The following DGKD variants were observed in gnomAD, a reference collection of about 807,000 sequenced individuals.
The protein encoded by DGKD is diacylglycerol kinase delta, also known as DAG kinase delta.
DGKD carries 68 observed loss-of-function variants against 154.4 expected under a neutral mutation model. The observed-to-expected ratio is 0.44, with a 90% CI of 0.36 to 0.54. The LOEUF (loss-of-function observed/expected upper bound fraction) is 0.54, where lower values mean the gene tolerates loss of function less well. DGKD is among the 20% of genes least tolerant of loss of function. The probability of loss-of-function intolerance (pLI) is 0.00; values close to 1 mark genes in which losing one functional copy is unlikely to be tolerated. For synonymous variants in DGKD, 693 were observed against 638.0 expected (o/e 1.09, Z -1.30); for missense variants, 1,343 against 1,593.6 (o/e 0.84, Z 2.68).
chr2:233,373,002 C>T (rs57712949), intron 1 of DGKD, among the ~76,000 whole-genome samples: 10,152 of 152,276 alleles, frequency 0.067, 467 homozygotes, highest in African/African-American at 0.13. Context: ...TGTAATGACT[C>T]AGTGAGTTAA....
At chr2:233,390,519 A>G in intron 3 of DGKD, 36 bp downstream of exon 3, 1 of 1,547,766 alleles carries the variant, frequency 6.5e-7, no homozygotes, top group South Asian at 1.1e-5. Flanking sequence ...TTGATTCTTC[A>G]CTGAAGTTGG....
At chr2:233,400,453 C>T (rs553967646) in intron 3 of DGKD, among the ~76,000 whole-genome samples, 16 of 152,220 alleles carry the variant, frequency 1.1e-4, no homozygotes, top group East Asian at 9.6e-4. Flanking sequence ...CTGTCTGAGA[C>T]GCCTCATGCT....
At position 233,462,430 on chromosome 2, in the gene DGKD, C is replaced by G. The variant is rs746944592; in HGVS notation, c.3064C>G (p.Arg1022Gly). 1.9e-6 allele frequency: 3 copies of G among 1,602,056 alleles called. No individual in the cohort carries two copies. The highest frequency in any genetic ancestry group is 2.6e-6 in the Non-Finnish European group (3 of 1,170,638). Residue 1022 changes from arginine (R) to glycine (G), a missense_variant, in exon 25 of 30, where the codon CGT becomes GGT. Transcript: ENST00000264057. Reference protein sequence around the residue: ...AVNASSKSMDRVYGKPRTTEG... With the variant: ...AVNASSKSMDGVYGKPRTTEG... The stretch of plus-strand genomic sequence containing the variant: ...CAATGCCAGCTCCAAGTCCATGGAC[C>G]GTGTGTATGGCAAGCCCAGAACCAC...
intron 28 of DGKD, 52 bp downstream of exon 28, chr2:233,467,255 G>A (rs1314190646): frequency 6.1e-6 from 8 of 1,303,842 alleles, no homozygotes; most frequent in Admixed American, 1.7e-5. Context: ...CTGCTGGATC[G>A]GCCCCGTTCC....
In DGKD at chr2:233,457,460, A is replaced by G. The variant is rs947530915; in HGVS notation, c.2580+132A>G. 5 of 737,590 alleles carry G rather than the reference A, an allele frequency of 6.8e-6. No individual in the cohort carries two copies. In the African/African-American group the frequency reaches 8.6e-5, roughly 13 times the overall value. 45.7% of individuals were successfully genotyped at this position (737,590 alleles called of 1,614,324 possible). A position where few individuals can be genotyped will look rare whatever the true frequency, so the allele number is the denominator to read the frequency against. On this transcript the variant is annotated intron_variant, in intron 21 of 29. Transcript: ENST00000264057. This position sits in a 1 kb window ranked among gnomAD's most constrained non-coding sequence, Gnocchi z 5.5. ...GCCAGCAGTGGGGTTGCCGTGGAGAACAAGATAGACAGGGTCCCCCACCCA... is the reference window on the plus strand; with the variant it reads ...GCCAGCAGTGGGGTTGCCGTGGAGAGCAAGATAGACAGGGTCCCCCACCCA...
chr2:233,366,226 T>C (rs1214732683), intron 1 of DGKD, among the ~76,000 whole-genome samples: 1 of 152,164 alleles, frequency 6.6e-6, no homozygotes, highest in African/African-American at 2.4e-5. Context: ...TTTAAGATTT[T>C]AGGAAGGACC....
intron 9 of DGKD, among the ~76,000 whole-genome samples, chr2:233,439,046 A>G (rs572020884): frequency 6.6e-6 from 1 of 152,352 alleles, no homozygotes; most frequent in South Asian, 2.1e-4. Flanking sequence ...CTGGAGAGCC[A>G]TGTGTGTTCT....
At chr2:233,356,202 C>G (rs1550532) in intron 1 of DGKD, among the ~76,000 whole-genome samples, 113,665 of 152,212 alleles carry the variant, frequency 0.75, 43,119 homozygotes, top group African/African-American at 0.88. Context: ...ATATTTGAAC[C>G]TTGCGTCTAG....
intron 28 of DGKD, among the ~76,000 whole-genome samples, chr2:233,467,739 G>A (rs1040312600): frequency 3.3e-5 from 5 of 152,174 alleles, no homozygotes; most frequent in Admixed American, 2.0e-4. Flanking sequence ...GAATACCCAG[G>A]CCATATCCAG....
At chr2:233,437,536 G>T in intron 8 of DGKD, 57 bp downstream of exon 8, 2 of 1,511,676 alleles carry the variant, frequency 1.3e-6, no homozygotes, top group Non-Finnish European at 9.1e-7. Flanking sequence ...CCTTCTCCAC[G>T]CACTTTCTCT....
chr2:233,458,252 A>T lies in DGKD; in HGVS notation c.2581-32A>T. The T allele has an allele frequency of 6.9e-7, 1 of 1,445,262 alleles. No homozygotes were observed. The highest frequency in any genetic ancestry group is 1.2e-5 in the South Asian group (1 of 86,526). 89.5% of individuals were successfully genotyped at this position (1,445,262 alleles called of 1,614,324 possible). On this transcript the variant is annotated intron_variant, in intron 21 of 29. Coordinates refer to ENST00000264057, the MANE Select transcript of DGKD (RefSeq NM_152879.3). The surrounding 1 kb of genome is among the most constrained non-coding windows in gnomAD (Gnocchi z 6.6). ...GCGGCCTGTGCTCGGGGATGTGTGG[A>T]GTGGTGGTCAGCTCTAACGTGTCCC...
chr2:233,451,803 A>C (rs565366762), intron 17 of DGKD, among the ~76,000 whole-genome samples, 161 bp from the exon 18 acceptor site: 1 of 152,214 alleles, frequency 6.6e-6, no homozygotes, highest in South Asian at 2.1e-4. Context: ...TTTTGACCTA[A>C]GACTATTGGC....
chr2:233,391,167 A>C lies in DGKD; in HGVS notation c.348+684A>C, dbSNP rs181671391. The stretch of plus-strand genomic sequence containing the variant: ...CCACCTCAAAAAACATTGAATGTTA[A>C]TATTTTGGTGTATTTCTTTTTTTTT... On this transcript the variant is annotated intron_variant, in intron 3 of 29. Coordinates refer to ENST00000264057, the MANE Select transcript of DGKD (RefSeq NM_152879.3). Among the ~76,000 whole-genome samples, 93 of 152,262 alleles carry C rather than the reference A, an allele frequency of 6.1e-4. 1 individual carries two copies. Among genetic ancestry groups the C allele is most frequent in the Non-Finnish European group, 1.0e-3 (69 of 68,014 alleles).
chr2:233,374,126 C>G (rs1205665323), intron 1 of DGKD, among the ~76,000 whole-genome samples: 1 of 151,680 alleles, frequency 6.6e-6, no homozygotes, highest in African/African-American at 2.4e-5. Context: ...TCTCGGCTCA[C>G]TGCAACCTCC....
chr2:233,456,818 T>C, intron 19 of DGKD, 81 bp from the exon 20 acceptor site: 1 of 1,064,744 alleles, frequency 9.4e-7, no homozygotes, highest in Non-Finnish European at 1.4e-6. Flanking sequence ...CAGATGCTGT[T>C]CCCAGCTTTC....
chr2:233,354,552 C>T lies in DGKD; in HGVS notation c.34C>T (p.Pro12Ser), dbSNP rs747669327. The change falls in exon 1 of 30, where the codon CCC (proline) becomes TCC (serine). Residue 12 changes from proline (P) to serine (S), a missense_variant. Transcript: ENST00000264057. The surrounding 1 kb of genome is among the most constrained non-coding windows in gnomAD (Gnocchi z 4.8). ...GGCGGCGGGCGCCCCTCCGCCGGGTCCCCCGCAACCGCCTCCGCCGCCGCC... is the reference window on the plus strand; with the variant it reads ...GGCGGCGGGCGCCCCTCCGCCGGGTTCCCCGCAACCGCCTCCGCCGCCGCC... The part of the protein sequence containing the change: ...AAAAGAPPPG[P>S]PQPPPPPPPE... The T allele has an allele frequency of 7.1e-5, 73 of 1,023,538 alleles. No individual in the cohort carries two copies. The highest frequency in any genetic ancestry group is 1.8e-4 in the African/African-American group (10 of 57,064). 63.4% of individuals were successfully genotyped at this position (1,023,538 alleles called of 1,614,324 possible).
intron 8 of DGKD, 94 bp downstream of exon 8, chr2:233,437,573 G>T: frequency 7.9e-7 from 1 of 1,267,340 alleles, no homozygotes; most frequent in South Asian, 1.3e-5. Flanking sequence ...TGGTTATCTT[G>T]GTGAGATGTC....
intron 3 of DGKD, among the ~76,000 whole-genome samples, chr2:233,421,235 T>C (rs918835192): frequency 1.3e-5 from 2 of 152,112 alleles, no homozygotes; most frequent in African/African-American, 4.8e-5. Flanking sequence ...CCACCCACAG[T>C]GTCCCCTTCC....
intron 3 of DGKD, among the ~76,000 whole-genome samples, chr2:233,400,344 G>A (rs1471593125): frequency 6.6e-6 from 1 of 152,188 alleles, no homozygotes; most frequent in Non-Finnish European, 1.5e-5. Flanking sequence ...CAGGTCCCTC[G>A]GAGGGCAGGG....
Sources: allele counts gnomAD v4.1 joint callset (sites outside exome capture counted in the v4.1 genomes callset), GRCh38; gene constraint gnomAD v4.1.1; non-coding constraint Gnocchi (gnomAD v3.1); transcripts MANE v1.5; gene names NCBI Gene and HGNC (gene_info 2026-07-23, HGNC 2026-07-21).